AGAP1: variants seen among roughly 807,000 people sequenced by gnomAD.
The protein encoded by AGAP1 is arf-GAP with GTPase, ANK repeat and PH domain-containing protein 1.
In AGAP1, 29 loss-of-function variants were observed where a neutral mutation model predicts 105.3. The observed-to-expected ratio is 0.28, with a 90% CI of 0.21 to 0.38. AGAP1 has a LOEUF of 0.38. AGAP1 is among the 10% of genes least tolerant of loss of function. The pLI is 1.00. For missense variants in AGAP1, 998 were observed against 1,165.1 expected, an observed-to-expected ratio of 0.86 and a Z score of 2.09; for synonymous variants, 509 against 485.9, an observed-to-expected ratio of 1.05 and a Z score of -0.63.
At position 235,716,677 on chromosome 2, in the gene AGAP1, G is replaced by T. The variant is rs536940947; in HGVS notation, c.223-880G>T. The stretch of plus-strand genomic sequence containing the variant: ...GGTTAAAATGCAGGAGATTTTTGAT[G>T]AGCAGCTTCCCAGAGAAGGCGGCAT... On this transcript the variant is annotated intron_variant, in intron 2 of 17. Coordinates refer to ENST00000304032, the MANE Select transcript of AGAP1 (RefSeq NM_001037131.3). This position sits in a 1 kb window ranked among gnomAD's most constrained non-coding sequence, Gnocchi z 4.0. 6.6e-6 allele frequency among the ~76,000 whole-genome samples: 1 copy of T among 152,242 alleles called. No homozygotes were observed. Among genetic ancestry groups the T allele is most frequent in the Non-Finnish European group, 1.5e-5 (1 of 68,026 alleles).
rs1476999745 is a variant in AGAP1 at position 235,625,627 on chromosome 2, G to T, written c.164-83552G>T. 1.3e-5 allele frequency among the ~76,000 whole-genome samples: 2 copies of T among 152,214 alleles called. No individual in the cohort carries two copies. The highest frequency in any genetic ancestry group is 4.8e-5 in the African/African-American group (2 of 41,452). On this transcript the variant is annotated intron_variant, in intron 1 of 17. Coordinates refer to ENST00000304032, the MANE Select transcript of AGAP1 (RefSeq NM_001037131.3). The surrounding 1 kb of genome is among the most constrained non-coding windows in gnomAD (Gnocchi z 4.0). ...TTAATAGGGAACAACATAAATGAGG[G>T]CAGGTGTGTGTTTCAGGGATCTTTG...
In AGAP1 at chr2:235,936,891, C is replaced by T. The variant is rs890939888; in HGVS notation, c.1483+5968C>T. On this transcript the variant is annotated intron_variant, in intron 12 of 17. Coordinates refer to ENST00000304032, the MANE Select transcript of AGAP1 (RefSeq NM_001037131.3). This position sits in a 1 kb window ranked among gnomAD's most constrained non-coding sequence, Gnocchi z 4.7. ...TTATCATTATTAGCCAAAATTCAAA[C>T]CCAGATCTTTCTGATTTCAAAGCTT... 2.6e-5 allele frequency among the ~76,000 whole-genome samples: 4 copies of T among 151,958 alleles called. No individual in the cohort carries two copies. Among genetic ancestry groups the T allele is most frequent in the Non-Finnish European group, 5.9e-5 (4 of 68,002 alleles).
At chr2:235,911,052 T>G (rs2051587011) in intron 11 of AGAP1, among the ~76,000 whole-genome samples, 1 of 152,246 alleles carries the variant, frequency 6.6e-6, no homozygotes, top group East Asian at 1.9e-4. Flanking sequence ...GTTACATAAG[T>G]AAAAGCATTT....
chr2:235,924,478 G>C (rs1478363628), intron 11 of AGAP1, among the ~76,000 whole-genome samples: 2 of 152,146 alleles, frequency 1.3e-5, no homozygotes, highest in East Asian at 1.9e-4. Flanking sequence ...CCATGCGGCT[G>C]CTCGGCCCGC....
At chr2:235,860,034 C>T (rs764654021) in intron 9 of AGAP1, among the ~76,000 whole-genome samples, 40 of 152,204 alleles carry the variant, frequency 2.6e-4, no homozygotes, top group Non-Finnish European at 4.4e-4. Flanking sequence ...TTTCTTCTGT[C>T]CTCAGTAATG....
chr2:235,529,098 G>T (rs1942954256), intron 1 of AGAP1, among the ~76,000 whole-genome samples: 1 of 152,230 alleles, frequency 6.6e-6, no homozygotes, highest in African/African-American at 2.4e-5. Flanking sequence ...TCTCTAGCTA[G>T]CTCTGTGGCC....
In AGAP1 at chr2:236,125,128, T is replaced by A. The variant is rs928407773; in HGVS notation, c.*1006T>A. On this transcript the variant is annotated 3_prime_UTR_variant, in exon 18 of 18. Transcript: ENST00000304032. The surrounding 1 kb of genome is among the most constrained non-coding windows in gnomAD (Gnocchi z 5.2). ...CTGTAAGAGATATTTGATGTCCTTT[T>A]GCCGAGGTGGATGTGTTAGTCTCAG... 1 of 163,380 alleles carries A rather than the reference T, an allele frequency of 6.1e-6. No individual in the cohort carries two copies. The highest frequency in any genetic ancestry group is 1.5e-5 in the Non-Finnish European group (1 of 68,098). The allele number at this position is 163,380 out of a possible 1,614,324, so 10.1% of individuals were successfully genotyped here. A position where few individuals can be genotyped will look rare whatever the true frequency, so the allele number is the denominator to read the frequency against.
In AGAP1 at chr2:235,906,332, C is replaced by T. The variant is rs1016895598; in HGVS notation, c.1156-2406C>T. Among the ~76,000 whole-genome samples the T allele has an allele frequency of 2.0e-5, 3 of 152,208 alleles. No homozygotes were observed. Among genetic ancestry groups the T allele is most frequent in the Non-Finnish European group, 4.4e-5 (3 of 68,034 alleles). ...CCCCACTGTAGCACAGTTTCTGATC[C>T]TTTCTCCAGTGGTCTTCAGCCCATT... On this transcript the variant is annotated intron_variant, in intron 10 of 17. Coordinates refer to ENST00000304032, the MANE Select transcript of AGAP1 (RefSeq NM_001037131.3). The surrounding 1 kb of genome is among the most constrained non-coding windows in gnomAD (Gnocchi z 5.3).
Position 235,830,768 on chromosome 2 carries a change from C to T in AGAP1, c.1050+23437C>T, listed in dbSNP as rs1488841239. Among the ~76,000 whole-genome samples the T allele has an allele frequency of 1.3e-5, 2 of 152,190 alleles. No individual in the cohort carries two copies. Among genetic ancestry groups the T allele is most frequent in the African/African-American group, 4.8e-5 (2 of 41,444 alleles). On this transcript the variant is annotated intron_variant, in intron 9 of 17. Coordinates refer to ENST00000304032, the MANE Select transcript of AGAP1 (RefSeq NM_001037131.3). This position sits in a 1 kb window ranked among gnomAD's most constrained non-coding sequence, Gnocchi z 5.5. ...ATGCATTTATAAGATATTTCTTCCT[C>T]GGAATTTTTAAGTGATTTTACTTCT...
rs547375584 is a variant in AGAP1, at chr2:235,720,919, G to A, written c.310+3275G>A. 6.6e-6 allele frequency among the ~76,000 whole-genome samples: 1 copy of A among 152,242 alleles called. No individual in the cohort carries two copies. The highest frequency in any genetic ancestry group is 2.1e-4 in the South Asian group (1 of 4,824). Reference sequence around the variant, plus strand: ...AGCTCCATCCCAGAGGGTAATATCTGCTGTCTTTTCGTTGTATGATGCATT... The same window carrying A: ...AGCTCCATCCCAGAGGGTAATATCTACTGTCTTTTCGTTGTATGATGCATT... On this transcript the variant is annotated intron_variant, in intron 3 of 17. Transcript: ENST00000304032. The surrounding 1 kb of genome is among the most constrained non-coding windows in gnomAD (Gnocchi z 5.0).
rs2056220349 is a variant in AGAP1, at chr2:236,003,774, G to C, written c.1646-32787G>C. Reference sequence around the variant, plus strand: ...TGCAGCTCACTGTGGAGGGGTCACTGCTGTCCTACCACTTTTTTTTTTTTC... The same window carrying C: ...TGCAGCTCACTGTGGAGGGGTCACTCCTGTCCTACCACTTTTTTTTTTTTC... On this transcript the variant is annotated intron_variant, in intron 13 of 17. Coordinates refer to ENST00000304032, the MANE Select transcript of AGAP1 (RefSeq NM_001037131.3). This position sits in a 1 kb window ranked among gnomAD's most constrained non-coding sequence, Gnocchi z 4.2. 6.6e-6 allele frequency among the ~76,000 whole-genome samples: 1 copy of C among 151,608 alleles called. No homozygotes were observed. Among genetic ancestry groups the C allele is most frequent in the South Asian group, 2.1e-4 (1 of 4,816 alleles).
intron 6 of AGAP1, among the ~76,000 whole-genome samples, chr2:235,767,572 G>T (rs1955070015): frequency 6.6e-6 from 1 of 152,156 alleles, no homozygotes; most frequent in South Asian, 2.1e-4. Flanking sequence ...GACGGGAGTT[G>T]ATCATTTTTT....
intron 1 of AGAP1, among the ~76,000 whole-genome samples, chr2:235,584,899 T>TA (rs1945051944): frequency 1.9e-5 from 2 of 102,902 alleles, no homozygotes; most frequent in Non-Finnish European, 3.8e-5. Flanking sequence ...GCTAAGTCAT[T>TA]ACCTTTTTTT....
chr2:235,662,887 A>G lies in AGAP1; in HGVS notation c.164-46292A>G, dbSNP rs1322712931. 6.6e-6 allele frequency among the ~76,000 whole-genome samples: 1 copy of G among 152,158 alleles called. No homozygotes were observed. Among genetic ancestry groups the G allele is most frequent in the Non-Finnish European group, 1.5e-5 (1 of 68,040 alleles). On this transcript the variant is annotated intron_variant, in intron 1 of 17. Transcript: ENST00000304032. The surrounding 1 kb of genome is among the most constrained non-coding windows in gnomAD (Gnocchi z 4.2). ...AGGTTTTATTCCATCTTACTGTGTC[A>G]GATGTGATTCCGGGGACGCAGTTCT... is the stretch of plus-strand genomic sequence containing the variant.
intron 2 of AGAP1, among the ~76,000 whole-genome samples, chr2:235,710,844 G>A (rs113257246): frequency 4.2e-4 from 64 of 152,326 alleles, no homozygotes; most frequent in African/African-American, 1.3e-3. Flanking sequence ...CAGTAGTCAC[G>A]GTGGTTTACT....
chr2:236,085,867 G>A (rs1047718697), intron 16 of AGAP1, among the ~76,000 whole-genome samples: 1 of 152,242 alleles, frequency 6.6e-6, no homozygotes, highest in Non-Finnish European at 1.5e-5. Context: ...CTCCTGGAGG[G>A]GACAATGGCT....
intron 1 of AGAP1, among the ~76,000 whole-genome samples, chr2:235,652,587 G>A (rs140546300): frequency 6.6e-6 from 1 of 152,230 alleles, no homozygotes; most frequent in African/African-American, 2.4e-5. Flanking sequence ...GGGTAGAGTT[G>A]AACAGAAACA....
rs1032277506 is a variant in AGAP1 at position 235,577,855 on chromosome 2, C to G, written c.163+83006C>G. ...AAAGGCCCATGTCTGCTCGCTGGGACCTGATAGTTCGCCTTTGTACGGATG... is the reference window on the plus strand; with the variant it reads ...AAAGGCCCATGTCTGCTCGCTGGGAGCTGATAGTTCGCCTTTGTACGGATG... On this transcript the variant is annotated intron_variant, in intron 1 of 17. Transcript: ENST00000304032. The surrounding 1 kb of genome is among the most constrained non-coding windows in gnomAD (Gnocchi z 4.5). Among the ~76,000 whole-genome samples the G allele has an allele frequency of 2.0e-5, 3 of 152,006 alleles. No individual in the cohort carries two copies. The highest frequency in any genetic ancestry group is 7.3e-5 in the African/African-American group (3 of 41,370).
rs1011095820 is a variant in AGAP1, at chr2:235,635,052, T to A, written c.164-74127T>A. On this transcript the variant is annotated intron_variant, in intron 1 of 17. Coordinates refer to ENST00000304032, the MANE Select transcript of AGAP1 (RefSeq NM_001037131.3). This position sits in a 1 kb window ranked among gnomAD's most constrained non-coding sequence, Gnocchi z 5.3. ...GGCGCTTTCTCAATTCTGGGACCAG[T>A]TTTCCCTCTGAAGCGTGAATGTTTC... Among the ~76,000 whole-genome samples, 7 of 152,030 alleles carry A rather than the reference T, an allele frequency of 4.6e-5. No individual in the cohort carries two copies. Among genetic ancestry groups the A allele is most frequent in the Non-Finnish European group, 7.4e-5 (5 of 68,018 alleles).
Sources: allele counts gnomAD v4.1 joint callset (sites outside exome capture counted in the v4.1 genomes callset), GRCh38; gene constraint gnomAD v4.1.1; non-coding constraint Gnocchi (gnomAD v3.1); transcripts MANE v1.5; gene names NCBI Gene and HGNC (gene_info 2026-07-23, HGNC 2026-07-21).